SLC22A6: variants seen among roughly 807,000 people sequenced by gnomAD.
The protein encoded by SLC22A6 is solute carrier family 22 member 6, also known as PAH transporter.
In SLC22A6, 45 loss-of-function variants were observed where a neutral mutation model predicts 56.7. The observed-to-expected ratio is 0.79, with a 90% CI of 0.63 to 1.02. SLC22A6 has a LOEUF of 1.02. Among genes scored for constraint, SLC22A6 ranks in the 50% least tolerant of loss-of-function variants. The pLI is 0.00. For synonymous variants in SLC22A6, 291 were observed against 295.9 expected, an observed-to-expected ratio of 0.98 and a Z score of 0.17; for missense variants, 606 against 713.8, an observed-to-expected ratio of 0.85 and a Z score of 1.72.
rs980165616 is a variant in SLC22A6, at chr11:62,977,476, T to C, written c.1362-89A>G. 2.7e-6 allele frequency: 4 copies of C among 1,457,014 alleles called. No individual in the cohort carries two copies. In the African/African-American group the frequency reaches 5.6e-5, roughly 20 times the overall value. The allele number at this position is 1,457,014 out of a possible 1,614,324, so 90.3% of individuals were successfully genotyped here. A position where few individuals can be genotyped will look rare whatever the true frequency, so the allele number is the denominator to read the frequency against. On this transcript the variant is annotated intron_variant, in intron 8 of 9. Transcript: ENST00000360421. ...CCATTTGGAGGGTGGCAGCTCAGGC[T>C]CAGCCCCCAGGACACTCCCGGTACC...
In SLC22A6 at chr11:62,983,794, C is replaced by T. The variant is rs990187147; in HGVS notation, c.474-103G>A. 1 of 1,292,204 alleles carries T rather than the reference C, an allele frequency of 7.7e-7. No homozygotes were observed. The highest frequency in any genetic ancestry group is 1.5e-5 in the African/African-American group (1 of 67,246). 80.0% of individuals were successfully genotyped at this position (1,292,204 alleles called of 1,614,324 possible). On this transcript the variant is annotated intron_variant, in intron 2 of 9. Coordinates refer to ENST00000360421, the MANE Select transcript of SLC22A6 (RefSeq NM_153276.3). The surrounding 1 kb of genome is among the most constrained non-coding windows in gnomAD (Gnocchi z 4.5). ...CCCTGGATGATGCCTGGGCTGGGGC[C>T]TTTTGAGGACCTCTGAAGTATGAGG...
chr11:62,977,650 G>C (rs529822981), intron 8 of SLC22A6, among the ~76,000 whole-genome samples: 7 of 152,290 alleles, frequency 4.6e-5, no homozygotes, highest in African/African-American at 1.7e-4. Context: ...TTTTGAAAAA[G>C]AGAAGTTGGA....
Position 62,983,693 on chromosome 11 carries a change from T to C in SLC22A6, c.474-2A>G. The C allele has an allele frequency of 6.2e-7, 1 of 1,606,114 alleles. No individual in the cohort carries two copies. Among genetic ancestry groups the C allele is most frequent in the Non-Finnish European group, 8.5e-7 (1 of 1,176,316 alleles). ...ATGAGTACCTTCCGGCGGCCTAGCCTGTGGGAGGAGGGGAGACTTGTAGCA... is the reference window on the plus strand; with the variant it reads ...ATGAGTACCTTCCGGCGGCCTAGCCCGTGGGAGGAGGGGAGACTTGTAGCA... On this transcript the variant is annotated splice_acceptor_variant, in intron 2 of 9. Coordinates refer to ENST00000360421, the MANE Select transcript of SLC22A6 (RefSeq NM_153276.3). LOFTEE classifies it high-confidence loss of function. The surrounding 1 kb of genome is among the most constrained non-coding windows in gnomAD (Gnocchi z 4.5).
At position 62,981,301 on chromosome 11, in the gene SLC22A6, T is replaced by G; in HGVS notation, c.880A>C (p.Ile294Leu). ...TLRALQRVAR[I>L]NGKREEGAKL... ...GCTCCTTCTTCCCGCTTCCCATTGA[T>G]CCGGGCGACTCTCTGCAGGGCCCTC... Residue 294 changes from isoleucine to leucine, a missense_variant, in exon 5 of 10, where the codon ATC (isoleucine) becomes CTC (leucine). Physicochemically the swap from Ile to Leu is conservative, Grantham distance 5. Transcript: ENST00000360421. 6.2e-7 allele frequency: 1 copy of G among 1,606,406 alleles called. No individual in the cohort carries two copies. Among genetic ancestry groups the G allele is most frequent in the Non-Finnish European group, 8.5e-7 (1 of 1,176,854 alleles).
chr11:62,977,295 A>G lies in SLC22A6; in HGVS notation c.1454T>C (p.Met485Thr). Residue 485 changes from methionine to threonine, a missense_variant, in exon 9 of 10, where the codon ATG (methionine) becomes ACG (threonine). Coordinates refer to ENST00000360421, the MANE Select transcript of SLC22A6 (RefSeq NM_153276.3). The part of the protein sequence containing the change: ...VSMTAELYPS[M>T]PLFIYGAVPV... ...AACAGCACCGTAGATGAAGAGAGGC[A>G]TGGAGGGGTAGAGCTCGGCAGTCAT... is the stretch of plus-strand genomic sequence containing the variant. The G allele has an allele frequency of 6.2e-7, 1 of 1,614,050 alleles. No individual in the cohort carries two copies. The highest frequency in any genetic ancestry group is 8.5e-7 in the Non-Finnish European group (1 of 1,180,030).
In SLC22A6 at chr11:62,979,913, A is replaced by G. The variant is rs769101459; in HGVS notation, c.1073T>C (p.Met358Thr). ...ATSFAYYGLVMDLQGFGVSIY... is the reference protein window; with the variant it reads ...ATSFAYYGLVTDLQGFGVSIY... Reference sequence around the variant, plus strand: ...GCTGACTCCAAAGCCCTGCAGGTCCATGACCAGCCCATAGTATGCAAAGCT... The same window carrying G: ...GCTGACTCCAAAGCCCTGCAGGTCCGTGACCAGCCCATAGTATGCAAAGCT... Residue 358 changes from methionine to threonine, a missense_variant, in exon 7 of 10, where the codon ATG (methionine) becomes ACG (threonine). By Grantham distance (81) the Met-to-Thr change is moderately conservative (BLOSUM62 -1). Transcript: ENST00000360421. 6.2e-7 allele frequency: 1 copy of G among 1,613,900 alleles called. No homozygotes were observed. The highest frequency in any genetic ancestry group is 8.5e-7 in the Non-Finnish European group (1 of 1,179,852).
chr11:62,979,381 C>T, intron 8 of SLC22A6, 107 bp downstream of exon 8: 1 of 766,852 alleles, frequency 1.3e-6, no homozygotes, highest in Admixed American at 2.0e-5. Context: ...TTGGGAGGGG[C>T]CTTTGGGCTG....
intron 8 of SLC22A6, among the ~76,000 whole-genome samples, chr11:62,977,884 G>A (rs1183820958): frequency 6.6e-6 from 1 of 152,200 alleles, no homozygotes; most frequent in African/African-American, 2.4e-5. Flanking sequence ...TCCCTAGGGG[G>A]AGGGAGCTGG....
chr11:62,984,534 C>A lies in SLC22A6; in HGVS notation c.157G>T (p.Ala53Ser), dbSNP rs201266950. ...CCGTTCTTGCTGAGGTTGGCATCGGCAGGCGGGCGGCAGTGGTGGGTAGGG... is the reference window on the plus strand; with the variant it reads ...CCGTTCTTGCTGAGGTTGGCATCGGAAGGCGGGCGGCAGTGGTGGGTAGGG... ...AIPTHHCRPP[A>S]DANLSKNGGL... The change falls in exon 1 of 10, where the codon GCC becomes TCC. Residue 53 changes from alanine (A) to serine (S), a missense_variant. Transcript: ENST00000360421. 6.2e-6 allele frequency: 10 copies of A among 1,613,718 alleles called. No individual in the cohort carries two copies. In the East Asian group the frequency reaches 2.2e-4, roughly 36 times the overall value.
Position 62,984,913 on chromosome 11 carries a change from C to G in SLC22A6, c.-223G>C. 1.8e-6 allele frequency: 1 copy of G among 562,206 alleles called. No individual in the cohort carries two copies. The highest frequency in any genetic ancestry group is 1.9e-5 in the African/African-American group (1 of 53,200). 34.8% of individuals were successfully genotyped at this position (562,206 alleles called of 1,614,324 possible). A position where few individuals can be genotyped will look rare whatever the true frequency, so the allele number is the denominator to read the frequency against. The stretch of plus-strand genomic sequence containing the variant: ...TCCCTGATCTGTCCCTCCCTTTTCC[C>G]TTGCAGCTTCTCCTCACTTTGGGGG... On this transcript the variant is annotated 5_prime_UTR_variant, in exon 1 of 10. Coordinates refer to ENST00000360421, the MANE Select transcript of SLC22A6 (RefSeq NM_153276.3).
Position 62,983,706 on chromosome 11 carries a change from G to T in SLC22A6, c.474-15C>A, listed in dbSNP as rs772832968. On this transcript the variant is annotated splice_polypyrimidine_tract_variant and intron_variant, in intron 2 of 9. Transcript: ENST00000360421. This position sits in a 1 kb window ranked among gnomAD's most constrained non-coding sequence, Gnocchi z 4.5. ...GGCGGCCTAGCCTGTGGGAGGAGGGGAGACTTGTAGCAGGGCCCTGGAGAC... is the reference window on the plus strand; with the variant it reads ...GGCGGCCTAGCCTGTGGGAGGAGGGTAGACTTGTAGCAGGGCCCTGGAGAC... 6.2e-6 allele frequency: 10 copies of T among 1,601,634 alleles called. No individual in the cohort carries two copies. Among genetic ancestry groups the T allele is most frequent in the Non-Finnish European group, 8.5e-6 (10 of 1,174,070 alleles).
In SLC22A6 at chr11:62,983,503, G is replaced by T. The variant is rs1176498361; in HGVS notation, c.628+34C>A. The T allele has an allele frequency of 6.5e-7, 1 of 1,550,094 alleles. No homozygotes were observed. The highest frequency in any genetic ancestry group is 2.0e-5 in the Admixed American group (1 of 50,846). On this transcript the variant is annotated intron_variant, in intron 3 of 9. Transcript: ENST00000360421. This position sits in a 1 kb window ranked among gnomAD's most constrained non-coding sequence, Gnocchi z 4.5. Reference sequence around the variant, plus strand: ...TGGAAAGGGGTTGCTGGGCTGGGTGGCCGGAGGGGAGTGGGCTGGTAAGAA... The same window carrying T: ...TGGAAAGGGGTTGCTGGGCTGGGTGTCCGGAGGGGAGTGGGCTGGTAAGAA...
Position 62,981,393 on chromosome 11 carries a change from GGGGT to G in SLC22A6, c.798-14_798-11del. ...CGACTCAATGAAGAACCTGGGAGCGGGGGTGGGGGTGGGTGTCAGCATGGCTTCA... is the reference window on the plus strand; with the variant it reads ...CGACTCAATGAAGAACCTGGGAGCGGGGGGGTGGGTGTCAGCATGGCTTCA... On this transcript the variant is annotated splice_polypyrimidine_tract_variant and intron_variant, in intron 4 of 9. Coordinates refer to ENST00000360421, the MANE Select transcript of SLC22A6 (RefSeq NM_153276.3). 2.0e-6 allele frequency: 3 copies of G among 1,496,268 alleles called. No homozygotes were observed. The highest frequency in any genetic ancestry group is 2.4e-5 in the South Asian group (2 of 82,210). The allele number at this position is 1,496,268 out of a possible 1,614,324, so 92.7% of individuals were successfully genotyped here.
At chr11:62,976,965 C>A in intron 9 of SLC22A6, 84 bp from the exon 10 acceptor site, 1 of 1,528,470 alleles carries the variant, frequency 6.5e-7, no homozygotes, top group Non-Finnish European at 9.0e-7. Flanking sequence ...GGGGTCTCCG[C>A]TCAGCTATGC....
rs144961482 is a variant in SLC22A6 at position 62,977,283 on chromosome 11, A to G, written c.1466T>C (p.Ile489Thr). 13 of 1,614,002 alleles carry G rather than the reference A, an allele frequency of 8.1e-6. No homozygotes were observed. The highest frequency in any genetic ancestry group is 1.1e-5 in the Non-Finnish European group (13 of 1,180,042). The change falls in exon 9 of 10, where the codon ATC becomes ACC. Residue 489 changes from isoleucine (I) to threonine (T), a missense_variant. Physicochemically the swap from Ile to Thr is moderately conservative, Grantham distance 89 (BLOSUM62 -1). Coordinates refer to ENST00000360421, the MANE Select transcript of SLC22A6 (RefSeq NM_153276.3). Reference protein sequence around the residue: ...AELYPSMPLFIYGAVPVAASA... With the variant: ...AELYPSMPLFTYGAVPVAASA... ...GGCGGCCACAGGAACAGCACCGTAGATGAAGAGAGGCATGGAGGGGTAGAG... is the reference window on the plus strand; with the variant it reads ...GGCGGCCACAGGAACAGCACCGTAGGTGAAGAGAGGCATGGAGGGGTAGAG...
Position 62,981,088 on chromosome 11 carries a change from T to C in SLC22A6, c.934A>G (p.Ser312Gly). ...CCCATGGTCAGCTCCTTCTGCAGACTGGCCCGGAGTACCTGCTGGGACCGG... is the reference window on the plus strand; with the variant it reads ...CCCATGGTCAGCTCCTTCTGCAGACCGGCCCGGAGTACCTGCTGGGACCGG... ...AKLSMEVLRA[S>G]LQKELTMGKG... Residue 312 changes from serine (S) to glycine (G), a missense_variant, in exon 6 of 10, where the codon AGT becomes GGT. Coordinates refer to ENST00000360421, the MANE Select transcript of SLC22A6 (RefSeq NM_153276.3). The C allele has an allele frequency of 1.2e-6, 2 of 1,611,760 alleles. No individual in the cohort carries two copies. The highest frequency in any genetic ancestry group is 1.7e-6 in the Non-Finnish European group (2 of 1,178,364).
chr11:62,979,324 A>G (rs2086224993), intron 8 of SLC22A6, among the ~76,000 whole-genome samples, 164 bp downstream of exon 8: 1 of 152,128 alleles, frequency 6.6e-6, no homozygotes, highest in South Asian at 2.1e-4. Context: ...TAGCTAGGCC[A>G]TGAGGTGTGT....
chr11:62,980,964 T>C (rs748733483), intron 6 of SLC22A6, 21 bp downstream of exon 6: 1 of 1,573,218 alleles, frequency 6.4e-7, no homozygotes. Flanking sequence ...TGTCTCAGTC[T>C]GTCTGTCTTT....
chr11:62,983,706 G>A lies in SLC22A6; in HGVS notation c.474-15C>T, dbSNP rs772832968. On this transcript the variant is annotated splice_polypyrimidine_tract_variant and intron_variant, in intron 2 of 9. Coordinates refer to ENST00000360421, the MANE Select transcript of SLC22A6 (RefSeq NM_153276.3). This position sits in a 1 kb window ranked among gnomAD's most constrained non-coding sequence, Gnocchi z 4.5. ...GGCGGCCTAGCCTGTGGGAGGAGGG[G>A]AGACTTGTAGCAGGGCCCTGGAGAC... 9 of 1,601,516 alleles carry A rather than the reference G, an allele frequency of 5.6e-6. No homozygotes were observed. The highest frequency in any genetic ancestry group is 1.3e-5 in the African/African-American group (1 of 74,452).
Sources: allele counts gnomAD v4.1 joint callset (sites outside exome capture counted in the v4.1 genomes callset), GRCh38; gene constraint gnomAD v4.1.1; non-coding constraint Gnocchi (gnomAD v3.1); transcripts MANE v1.5; gene names NCBI Gene and HGNC (gene_info 2026-07-23, HGNC 2026-07-21).